Variants in TUNAR observed in about 807,000 individuals in gnomAD.
TUNAR encodes the protein transmembrane neural differentiation associated intracellular calcium regulator, also known as protein TUNAR.
chr14:95,885,034 G>A (rs545011456), intron 2 of TUNAR, among the ~76,000 whole-genome samples: 11 of 152,268 alleles, frequency 7.2e-5, no homozygotes, highest in African/African-American at 1.2e-4. Flanking sequence ...CCTCCAAGGC[G>A]AGCTGAGTGC....
intron 2 of TUNAR, among the ~76,000 whole-genome samples, chr14:95,908,528 GT>G (rs1190633950): frequency 6.6e-6 from 1 of 152,194 alleles, no homozygotes. Flanking sequence ...ACGCTGCCTC[GT>G]TTTGTCCTCT....
At chr14:95,890,732 C>T (rs542681135) in intron 2 of TUNAR, among the ~76,000 whole-genome samples, 1 of 152,362 alleles carries the variant, frequency 6.6e-6, no homozygotes, top group African/African-American at 2.4e-5. Flanking sequence ...TCTGCCCTCT[C>T]TCATCAGCAT....
intron 2 of TUNAR, among the ~76,000 whole-genome samples, chr14:95,913,317 T>A (rs1889548495): frequency 1.3e-5 from 2 of 152,166 alleles, no homozygotes; most frequent in Admixed American, 6.5e-5. Context: ...TCCCTCCCCT[T>A]GTCCCCCACT....
intron 2 of TUNAR, among the ~76,000 whole-genome samples, chr14:95,921,976 TCTC>T (rs996790171): frequency 3.3e-5 from 5 of 152,066 alleles, no homozygotes; most frequent in African/African-American, 1.2e-4. Context: ...GTTCATCTGC[TCTC>T]CTCTCGGTGC....
At position 95,897,557 on chromosome 14, in the gene TUNAR, A is replaced by G. The variant is rs188371751; in HGVS notation, c.12+20380A>G. Among the ~76,000 whole-genome samples the G allele has an allele frequency of 1.1e-3, 175 of 152,304 alleles. 1 individual carries two copies. Among genetic ancestry groups the G allele is most frequent in the African/African-American group, 3.8e-3 (156 of 41,562 alleles). ...CCATCCTGAATGCTCTAGCGTATGC[A>G]TTGTCCATAGTTTGACTCTGAATGT... On this transcript the variant is annotated intron_variant, in intron 2 of 2. Coordinates refer to ENST00000678517, the Ensembl canonical transcript of TUNAR.
chr14:95,883,352 A>G (rs1000488134), intron 2 of TUNAR, among the ~76,000 whole-genome samples: 1 of 152,194 alleles, frequency 6.6e-6, no homozygotes, highest in Non-Finnish European at 1.5e-5. Flanking sequence ...TGTCTCCTCC[A>G]CAGAGCATGC....
At chr14:95,885,429 G>A (rs1889060695) in intron 2 of TUNAR, among the ~76,000 whole-genome samples, 3 of 152,210 alleles carry the variant, frequency 2.0e-5, no homozygotes, top group African/African-American at 7.2e-5. Context: ...CTCTGAGAAG[G>A]CAGAGATAGG....
At chr14:95,885,990 C>T (rs554440248) in intron 2 of TUNAR, among the ~76,000 whole-genome samples, 29 of 152,232 alleles carry the variant, frequency 1.9e-4, no homozygotes, top group African/African-American at 6.7e-4. Context: ...TGCTGGGGCT[C>T]GGAAGGAAAG....
intron 2 of TUNAR, among the ~76,000 whole-genome samples, chr14:95,888,205 T>G (rs897351458): frequency 1.1e-4 from 17 of 152,252 alleles, no homozygotes; most frequent in African/African-American, 4.1e-4. Flanking sequence ...CAATTAATGG[T>G]AATCCCAGCT....
intron 2 of TUNAR, among the ~76,000 whole-genome samples, chr14:95,891,385 T>C (rs1889178417): frequency 6.6e-6 from 1 of 152,098 alleles, no homozygotes; most frequent in African/African-American, 2.4e-5. Context: ...TTTGGAATAA[T>C]TTTCGCCCTC....
At chr14:95,890,634 T>C (rs1889164990) in intron 2 of TUNAR, among the ~76,000 whole-genome samples, 1 of 152,108 alleles carries the variant, frequency 6.6e-6, no homozygotes, top group Admixed American at 6.5e-5. Context: ...CCAATTCTGG[T>C]TTAGGGTGGT....
chr14:95,896,759 T>G (rs1889275643), intron 2 of TUNAR, among the ~76,000 whole-genome samples: 1 of 152,156 alleles, frequency 6.6e-6, no homozygotes, highest in Non-Finnish European at 1.5e-5. Context: ...AAATAACACT[T>G]TGTTATGTTG....
rs542927845 is a variant in TUNAR at position 95,903,471 on chromosome 14, A to G, written c.13-19310A>G. On this transcript the variant is annotated intron_variant, in intron 2 of 2. Coordinates refer to ENST00000678517, the Ensembl canonical transcript of TUNAR. ...CCCCTTGAGATCACCAGCGACAAAC[A>G]TTCCACACAGATCACAAATGAGCAT... 1.8e-4 allele frequency among the ~76,000 whole-genome samples: 27 copies of G among 152,326 alleles called. 1 individual carries two copies. Among genetic ancestry groups the G allele is most frequent in the Admixed American group, 1.7e-3 (26 of 15,308 alleles).
At chr14:95,891,977 T>A (rs1889186455) in intron 2 of TUNAR, among the ~76,000 whole-genome samples, 1 of 152,232 alleles carries the variant, frequency 6.6e-6, no homozygotes, top group South Asian at 2.1e-4. Flanking sequence ...TGTGTCCAAA[T>A]CCTCTATTTT....
rs140947550 is a variant in TUNAR at position 95,921,559 on chromosome 14, A to G, written c.13-1222A>G. Among the ~76,000 whole-genome samples, 48 of 152,378 alleles carry G rather than the reference A, an allele frequency of 3.2e-4. No individual in the cohort carries two copies. In the East Asian group the frequency reaches 6.0e-3, roughly 19 times the overall value. On this transcript the variant is annotated intron_variant, in intron 2 of 2. Transcript: ENST00000678517. ...TTGATTATTGCAATACATACCATGC[A>G]TACAAAAAGAGTAGCTGGAAGATAT...
At chr14:95,900,159 A>G (rs1451481683) in intron 2 of TUNAR, among the ~76,000 whole-genome samples, 1 of 152,198 alleles carries the variant, frequency 6.6e-6, no homozygotes, top group African/African-American at 2.4e-5. Flanking sequence ...ACATAAAACG[A>G]TGCTTAAATA....
chr14:95,915,839 A>G (rs764197220), intron 2 of TUNAR, among the ~76,000 whole-genome samples: 10 of 152,214 alleles, frequency 6.6e-5, no homozygotes, highest in Non-Finnish European at 1.3e-4. Flanking sequence ...CTTGCTGGGA[A>G]CTGTGCTTGA....
chr14:95,901,331 G>A (rs1889350326), intron 2 of TUNAR, among the ~76,000 whole-genome samples: 1 of 152,218 alleles, frequency 6.6e-6, no homozygotes, highest in African/African-American at 2.4e-5. Context: ...TGGTCAGACT[G>A]GAAAAGCCCG....
chr14:95,895,107 G>T lies in TUNAR; in HGVS notation c.12+17930G>T, dbSNP rs1032556519. Among the ~76,000 whole-genome samples, 3 of 152,224 alleles carry T rather than the reference G, an allele frequency of 2.0e-5. No individual in the cohort carries two copies. The highest frequency in any genetic ancestry group is 7.2e-5 in the African/African-American group (3 of 41,462). ...GATGTTGTCTGCCAGGTAAGTGCAG[G>T]AAGTGCAGAACCTGCCTTGAAGCTG... On this transcript the variant is annotated intron_variant, in intron 2 of 2. Coordinates refer to ENST00000678517, the Ensembl canonical transcript of TUNAR. The surrounding 1 kb of genome is among the most constrained non-coding windows in gnomAD (Gnocchi z 4.5).
Sources: allele counts gnomAD v4.1 joint callset (sites outside exome capture counted in the v4.1 genomes callset), GRCh38; gene constraint gnomAD v4.1.1; non-coding constraint Gnocchi (gnomAD v3.1); transcripts MANE v1.5; gene names NCBI Gene and HGNC (gene_info 2026-07-23, HGNC 2026-07-21).